Variants in PRC1 observed in about 807,000 individuals in gnomAD.
The protein encoded by PRC1 is anaphase spindle elongation 1 homolog.
In PRC1, 54 loss-of-function variants were observed where a neutral mutation model predicts 91.2. That is an observed-to-expected ratio of 0.59 (90% confidence interval 0.48 to 0.74). The LOEUF is 0.74. Ranked by LOEUF, PRC1 falls within the 30% of genes least tolerant of loss-of-function variation. The probability of loss-of-function intolerance (pLI) is 0.00; values close to 1 mark genes in which losing one functional copy is unlikely to be tolerated. For synonymous variants in PRC1, 275 were observed against 263.6 expected (o/e 1.04, Z -0.42); for missense variants, 727 against 746.2 (o/e 0.97, Z 0.30).
At chr15:90,975,750 G>A (rs894219439) in intron 9 of PRC1, among the ~76,000 whole-genome samples, 1 of 152,132 alleles carries the variant, frequency 6.6e-6, no homozygotes, top group African/African-American at 2.4e-5. Context: ...TCCTGAGACC[G>A]AGATGGGAGG....
intron 1 of PRC1, 118 bp downstream of exon 1, chr15:90,994,283 GCGCCGA>G: frequency 6.8e-7 from 1 of 1,465,456 alleles, no homozygotes; most frequent in Non-Finnish European, 9.2e-7. Flanking sequence ...GCCTCCCTCG[GCGCCGA>G]CTGCCGTGAC....
chr15:90,967,458 AGAG>A, intron 14 of PRC1: 1 of 518,564 alleles, frequency 1.9e-6, no homozygotes, highest in South Asian at 2.1e-5. Context: ...ACCTCACAGA[AGAG>A]AAATCCTTCA....
chr15:90,977,195 G>C (rs1414544205), intron 8 of PRC1: 1 of 149,634 alleles, frequency 6.7e-6, no homozygotes, highest in Non-Finnish European at 1.5e-5. Context: ...TAACTTTTCT[G>C]TTTTTTACTG....
At chr15:90,973,626 G>T (rs779816713) in intron 11 of PRC1, among the ~76,000 whole-genome samples, 19 of 152,094 alleles carry the variant, frequency 1.2e-4, no homozygotes, top group Non-Finnish European at 2.1e-4. Flanking sequence ...ACCTATGTTC[G>T]TTCTATTCTT....
intron 9 of PRC1, 77 bp downstream of exon 9, chr15:90,976,599 C>T: frequency 8.1e-7 from 1 of 1,229,696 alleles, no homozygotes; most frequent in Middle Eastern, 1.9e-4. Flanking sequence ...TGGGGCTAAA[C>T]AATAGAAAGA....
Position 90,974,653 on chromosome 15 carries a change from A to G in PRC1, c.1282T>C (p.Phe428Leu), listed in dbSNP as rs776427115. 1 of 1,614,142 alleles carries G rather than the reference A, an allele frequency of 6.2e-7. No individual in the cohort carries two copies. ...CATTGTTCTGCCACATACTCCATGA[A>G]TTTCTGCCCATTCACCATAAATGCC... ...SKAFMVNGQKFMEYVAEQWEM... is the reference protein window; with the variant it reads ...SKAFMVNGQKLMEYVAEQWEM... Residue 428 changes from phenylalanine (F) to leucine (L), a missense_variant, in exon 10 of 15, where the codon TTC (phenylalanine) becomes CTC (leucine). Physicochemically the swap from Phe to Leu is conservative, Grantham distance 22 (BLOSUM62 0). Transcript: ENST00000394249. This position sits in a 1 kb window ranked among gnomAD's most constrained non-coding sequence, Gnocchi z 4.6.
At chr15:90,990,389 TAA>T (rs950245610) in intron 1 of PRC1, among the ~76,000 whole-genome samples, 2 of 116,946 alleles carry the variant, frequency 1.7e-5, no homozygotes, top group Admixed American at 1.6e-4. Context: ...AATAAATAAA[TAA>T]TTTTTTTTTT....
intron 9 of PRC1, among the ~76,000 whole-genome samples, chr15:90,975,821 C>CG (rs1015089276): frequency 6.6e-5 from 10 of 151,980 alleles, no homozygotes; most frequent in South Asian, 2.1e-4. Context: ...CCATCTCTTG[C>CG]GGGGGGAAAA....
intron 8 of PRC1, among the ~76,000 whole-genome samples, chr15:90,978,878 C>T (rs1291042527): frequency 6.6e-6 from 1 of 151,838 alleles, no homozygotes; most frequent in Non-Finnish European, 1.5e-5. Flanking sequence ...GCCTGGGGTC[C>T]TGCTCACTGT....
Position 90,984,251 on chromosome 15 carries a change from T to G in PRC1, c.145-111A>C. The G allele has an allele frequency of 7.1e-7, 1 of 1,410,222 alleles. No homozygotes were observed. The highest frequency in any genetic ancestry group is 9.6e-7 in the Non-Finnish European group (1 of 1,041,004). The allele number at this position is 1,410,222 out of a possible 1,614,324, so 87.4% of individuals were successfully genotyped here. On this transcript the variant is annotated intron_variant, in intron 2 of 14. Coordinates refer to ENST00000394249, the MANE Select transcript of PRC1 (RefSeq NM_003981.4). This position sits in a 1 kb window ranked among gnomAD's most constrained non-coding sequence, Gnocchi z 5.1. ...TTTCTTTTTCTTTTTTTCTTTGAGA[T>G]GGAGTCTCGCTCTGTTGCCCAGGCT...
At position 90,974,159 on chromosome 15, in the gene PRC1, T is replaced by C. The variant is rs2038441963; in HGVS notation, c.1438A>G (p.Asn480Asp). The C allele has an allele frequency of 6.2e-7, 1 of 1,614,086 alleles. No individual in the cohort carries two copies. The change falls in exon 11 of 15, where the codon AAT (asparagine) becomes GAT (aspartate). Residue 480 changes from asparagine to aspartate, a missense_variant. Coordinates refer to ENST00000394249, the MANE Select transcript of PRC1 (RefSeq NM_003981.4). The surrounding 1 kb of genome is among the most constrained non-coding windows in gnomAD (Gnocchi z 4.6). ...ACCTTACGTGCTTTGCCCGGTGTAT[T>C]GGGAGCCAGTCCTCGCCGCTTGCTA... The part of the protein sequence containing the change: ...TPSKRRGLAP[N>D]TPGKARKLNT...
At chr15:90,972,185 C>CAAAAAAAAAAAA in intron 11 of PRC1, among the ~76,000 whole-genome samples, 1 of 58,626 alleles carries the variant, frequency 1.7e-5, no homozygotes, top group Non-Finnish European at 3.6e-5. Flanking sequence ...TACTGAAACT[C>CAAAAAAAAAAAA]AAAAAAAAAA....
intron 9 of PRC1, among the ~76,000 whole-genome samples, chr15:90,976,366 A>C (rs1455928532): frequency 6.6e-6 from 1 of 150,832 alleles, no homozygotes; most frequent in Admixed American, 6.6e-5. Flanking sequence ...CTGGTCTTGA[A>C]CTCCTGACCT....
intron 11 of PRC1, among the ~76,000 whole-genome samples, chr15:90,972,432 ACT>A (rs778524559): frequency 2.3e-4 from 35 of 150,680 alleles, no homozygotes; most frequent in Non-Finnish European, 4.3e-4. Flanking sequence ...AAGAAATAAT[ACT>A]CTTTTATTTA....
intron 11 of PRC1, among the ~76,000 whole-genome samples, chr15:90,972,094 A>T (rs1308102388): frequency 6.8e-6 from 1 of 147,722 alleles, no homozygotes; most frequent in Non-Finnish European, 1.5e-5. Flanking sequence ...TAATCCCAGC[A>T]CTTTGGGAGG....
chr15:90,994,446 A>G lies in PRC1; in HGVS notation c.-29T>C, dbSNP rs2040178615. ...GGACGCTCCAAGCAGCCGTGAGTCC[A>G]GGTCCAGACCTACTCCACACGGCCC... On this transcript the variant is annotated 5_prime_UTR_variant, in exon 1 of 15. Coordinates refer to ENST00000394249, the MANE Select transcript of PRC1 (RefSeq NM_003981.4). 3 of 1,608,908 alleles carry G rather than the reference A, an allele frequency of 1.9e-6. No individual in the cohort carries two copies. In the East Asian group the frequency reaches 6.7e-5, roughly 36 times the overall value.
At position 90,986,243 on chromosome 15, in the gene PRC1, A is replaced by C. The variant is rs2039565675; in HGVS notation, c.12-1418T>G. ...CATATATGAGAATGGTTAGAGAAGC[A>C]CTACTCATAATAGCAGGGAAACAGA... On this transcript the variant is annotated intron_variant, in intron 1 of 14. Transcript: ENST00000394249. 3.3e-5 allele frequency among the ~76,000 whole-genome samples: 5 copies of C among 152,354 alleles called. No individual in the cohort carries two copies. The South Asian group carries it at 1.0e-3, about 32-fold the overall frequency.
chr15:90,981,084 C>G (rs2039157586), intron 5 of PRC1, 51 bp from the exon 6 acceptor site: 1 of 1,599,184 alleles, frequency 6.3e-7, no homozygotes, highest in Non-Finnish European at 8.5e-7. Flanking sequence ...AGCACAGAGG[C>G]TAGCCCTCTA....
Position 90,974,753 on chromosome 15 carries a change from T to C in PRC1, c.1204-22A>G, listed in dbSNP as rs1271906009. 2 of 1,613,890 alleles carry C rather than the reference T, an allele frequency of 1.2e-6. No individual in the cohort carries two copies. The highest frequency in any genetic ancestry group is 1.7e-6 in the Non-Finnish European group (2 of 1,179,808). ...CCAGCTGAGACCAGAAACAAGGACA[T>C]GTTAATTACTTCAACTCTTTAGTGC... On this transcript the variant is annotated intron_variant, in intron 9 of 14. Transcript: ENST00000394249. The surrounding 1 kb of genome is among the most constrained non-coding windows in gnomAD (Gnocchi z 4.6).
Sources: gnomAD v4.1 joint callset for allele counts (sites outside exome capture counted in the v4.1 genomes callset) on GRCh38, gnomAD v4.1.1 for gene constraint, Gnocchi (gnomAD v3.1) non-coding constraint, MANE v1.5 for transcripts, NCBI Gene and HGNC (gene_info 2026-07-23, HGNC 2026-07-21) for gene names.